NAV3: variants seen among roughly 807,000 people sequenced by gnomAD.
NAV3 encodes the protein pore membrane and/or filament interacting like protein 1.
NAV3 carries 87 observed loss-of-function variants against 244.7 expected under a neutral mutation model. That is an observed-to-expected ratio of 0.36 (90% CI 0.30 to 0.42). The LOEUF (loss-of-function observed/expected upper bound fraction) is 0.42, where lower values mean the gene tolerates loss of function less well. NAV3 is among the 20% of genes least tolerant of loss of function. The pLI, the probability that NAV3 is intolerant of heterozygous loss-of-function variation, is 1.00. For synonymous variants in NAV3, 1,126 were observed against 1,042.2 expected (o/e 1.08, Z -1.55); for missense variants, 2,663 against 2,893.3 (o/e 0.92, Z 1.83).
chr12:77,745,392 A>G (rs995087266), intron 2 of NAV3, among the ~76,000 whole-genome samples: 3 of 152,046 alleles, frequency 2.0e-5, no homozygotes, highest in Admixed American at 1.3e-4. Flanking sequence ...GCAAAGACCA[A>G]TTGATAGGAC....
chr12:77,644,559 C>G (rs2136964137), intron 2 of NAV3, among the ~76,000 whole-genome samples: 1 of 152,112 alleles, frequency 6.6e-6, no homozygotes, highest in South Asian at 2.1e-4. Context: ...TAAATGTCAG[C>G]TTTTAATTGT....
intron 2 of NAV3, among the ~76,000 whole-genome samples, chr12:77,751,190 G>A (rs572413448): frequency 4.8e-4 from 73 of 152,248 alleles, no homozygotes; most frequent in African/African-American, 1.6e-3. Flanking sequence ...GATAATAAAA[G>A]GCACAAAAAA....
chr12:77,627,184 G>A (rs1311520222), intron 2 of NAV3, among the ~76,000 whole-genome samples: 1 of 152,014 alleles, frequency 6.6e-6, no homozygotes, highest in Non-Finnish European at 1.5e-5. Flanking sequence ...TGAAAGTGAA[G>A]GGATGAAATA....
At chr12:77,652,328 T>C (rs1328392273) in intron 2 of NAV3, among the ~76,000 whole-genome samples, 1 of 152,182 alleles carries the variant, frequency 6.6e-6, no homozygotes, top group Non-Finnish European at 1.5e-5. Context: ...TAAAACACTA[T>C]GCCGTGTTGC....
chr12:78,186,951 T>A lies in NAV3; in HGVS notation c.5790+1253T>A, dbSNP rs138038844. Reference sequence around the variant, plus strand: ...GAGAGAAAGACTACAAATCCTGAATTATCTACTTTACCCAGTAATCCCATC... The same window carrying A: ...GAGAGAAAGACTACAAATCCTGAATAATCTACTTTACCCAGTAATCCCATC... On this transcript the variant is annotated intron_variant, in intron 31 of 39. Transcript: ENST00000397909. Among the ~76,000 whole-genome samples the A allele has an allele frequency of 2.4e-4, 36 of 151,968 alleles. 1 individual carries two copies. In the East Asian group the frequency reaches 5.3e-3, roughly 22 times the overall value.
chr12:78,172,582 C>T (rs1958050580), intron 24 of NAV3, among the ~76,000 whole-genome samples: 1 of 151,430 alleles, frequency 6.6e-6, no homozygotes, highest in Admixed American at 6.6e-5. Flanking sequence ...AAGGAACCTA[C>T]TGGAGGTTAC....
chr12:77,588,295 T>A (rs1270532850), intron 2 of NAV3, among the ~76,000 whole-genome samples: 3 of 151,724 alleles, frequency 2.0e-5, no homozygotes, highest in East Asian at 1.9e-4. Context: ...TTTATTTTTT[T>A]TTTGGTAGAG....
intron 2 of NAV3, among the ~76,000 whole-genome samples, chr12:77,751,133 A>G (rs1868830262): frequency 6.6e-6 from 1 of 152,216 alleles, no homozygotes; most frequent in Non-Finnish European, 1.5e-5. Flanking sequence ...CTTTAGGCAT[A>G]TGAAAGTTGA....
At chr12:77,746,017 T>G (rs1030736634) in intron 2 of NAV3, among the ~76,000 whole-genome samples, 5 of 149,750 alleles carry the variant, frequency 3.3e-5, no homozygotes, top group African/African-American at 9.8e-5. Flanking sequence ...GGAACATGTC[T>G]ATCCTATAAT....
At chr12:78,063,998 T>C (rs1460568199) in intron 12 of NAV3, among the ~76,000 whole-genome samples, 1 of 152,164 alleles carries the variant, frequency 6.6e-6, no homozygotes, top group Non-Finnish European at 1.5e-5. Flanking sequence ...ATAATCATTG[T>C]ATTTTAAAAG....
intron 1 of NAV3, among the ~76,000 whole-genome samples, chr12:77,853,620 T>C (rs1297828252): frequency 1.3e-5 from 2 of 152,132 alleles, no homozygotes; most frequent in Non-Finnish European, 2.9e-5. Context: ...CATTTCAACA[T>C]ACACAATAAA....
intron 12 of NAV3, 143 bp downstream of exon 12, chr12:78,059,258 A>G: frequency 3.6e-6 from 3 of 822,128 alleles, no homozygotes; most frequent in Non-Finnish European, 3.4e-6. Flanking sequence ...ATAAATAATT[A>G]TTTAGGGTTT....
At chr12:77,762,434 T>TA (rs772253237) in intron 2 of NAV3, among the ~76,000 whole-genome samples, 23 of 151,148 alleles carry the variant, frequency 1.5e-4, no homozygotes, top group Admixed American at 9.2e-4. Flanking sequence ...CAATAAAAAA[T>TA]AAAAAAATAC....
At chr12:77,654,794 G>A (rs536266627) in intron 2 of NAV3, among the ~76,000 whole-genome samples, 13 of 150,240 alleles carry the variant, frequency 8.7e-5, no homozygotes, top group Non-Finnish European at 1.8e-4. Flanking sequence ...GCATATTCGC[G>A]GTTCATGAAA....
intron 2 of NAV3, among the ~76,000 whole-genome samples, chr12:77,720,954 T>G (rs1260488233): frequency 6.6e-6 from 1 of 152,180 alleles, no homozygotes; most frequent in Non-Finnish European, 1.5e-5. Flanking sequence ...CAGTTTTTAT[T>G]CTTCAGGGCC....
In NAV3 at chr12:78,057,535, A is replaced by C. The variant is rs150259707; in HGVS notation, c.2517-1461A>C. 4.3e-3 allele frequency among the ~76,000 whole-genome samples: 660 copies of C among 152,336 alleles called. 3 individuals carry two copies. The highest frequency in any genetic ancestry group is 0.015 in the African/African-American group (630 of 41,584). The stretch of plus-strand genomic sequence containing the variant: ...CTTCCTCTAATTTCACTTTCAGGAT[A>C]TGAGCTATTTTAGTGACTCTAGAAA... On this transcript the variant is annotated intron_variant, in intron 11 of 39. Coordinates refer to ENST00000397909, the MANE Select transcript of NAV3 (RefSeq NM_001024383.2).
At position 77,968,524 on chromosome 12, in the gene NAV3, A is replaced by G. The variant is rs2137987604; in HGVS notation, c.493A>G (p.Arg165Gly). Residue 165 changes from arginine to glycine, a missense_variant, in exon 5 of 40, where the codon AGA becomes GGA. Physicochemically the swap from Arg to Gly is moderately radical, Grantham distance 125 (BLOSUM62 -2). Transcript: ENST00000397909. ...NVQGLSAEEI[R>G]NGNLKAILGL... ...GTATTTTTCATTTCATACAGAAATA[A>G]GAAATGGAAACTTAAAAGCCATTCT... 2 of 1,611,064 alleles carry G rather than the reference A, an allele frequency of 1.2e-6. No individual in the cohort carries two copies. The highest frequency in any genetic ancestry group is 1.7e-6 in the Non-Finnish European group (2 of 1,177,764).
chr12:77,598,002 G>GA (rs1173062392), intron 2 of NAV3, among the ~76,000 whole-genome samples: 2 of 151,770 alleles, frequency 1.3e-5, no homozygotes, highest in Non-Finnish European at 2.9e-5. Context: ...TCTGAACACT[G>GA]AAAAAAATAC....
chr12:77,623,791 C>G (rs1390162211), intron 2 of NAV3, among the ~76,000 whole-genome samples: 6 of 152,058 alleles, frequency 3.9e-5, no homozygotes, highest in Non-Finnish European at 5.9e-5. Context: ...GAGAGCATTT[C>G]CCAGGGGAGA....
Sources: gnomAD v4.1 joint callset for allele counts (sites outside exome capture counted in the v4.1 genomes callset) on GRCh38, gnomAD v4.1.1 for gene constraint, MANE v1.5 for transcripts, NCBI Gene and HGNC (gene_info 2026-07-23, HGNC 2026-07-21) for gene names.